SLIT3: variants seen among roughly 807,000 people sequenced by gnomAD.
SLIT3 encodes slit homolog 3 protein.
SLIT3 carries 68 observed loss-of-function variants against 184.0 expected under a neutral mutation model. The ratio of observed to expected loss-of-function variants is 0.37; its 90% CI spans 0.30 to 0.45. The LOEUF (loss-of-function observed/expected upper bound fraction) is 0.45. Ranked by LOEUF, SLIT3 falls within the 20% of genes least tolerant of loss-of-function variation. The pLI is 1.00. For missense variants in SLIT3, 1,707 were observed against 2,026.0 expected (o/e 0.84, Z 3.02); for synonymous variants, 831 against 828.6 (o/e 1.00, Z -0.05).
In SLIT3 at chr5:168,671,489, G is replaced by C. The variant is rs1265222180; in HGVS notation, c.3842-6C>G. The C allele has an allele frequency of 6.2e-7, 1 of 1,608,288 alleles. No homozygotes were observed. The highest frequency in any genetic ancestry group is 1.7e-5 in the Admixed American group (1 of 59,262). ...GCCGGTGGAGGTGGGGATGCCTGTG[G>C]GAGGGGAGCCAGGACAGTGGCCTGA... On this transcript the variant is annotated splice_region_variant and splice_polypyrimidine_tract_variant and intron_variant, in intron 33 of 35. Transcript: ENST00000519560.
chr5:169,230,445 A>G (rs1581081435), intron 3 of SLIT3, among the ~76,000 whole-genome samples: 1 of 152,246 alleles, frequency 6.6e-6, no homozygotes, highest in African/African-American at 2.4e-5. Context: ...GCAGTAATTT[A>G]AAAGAATATA....
intron 3 of SLIT3, among the ~76,000 whole-genome samples, chr5:169,194,926 C>A (rs145264408): frequency 2.0e-5 from 3 of 152,172 alleles, no homozygotes; most frequent in East Asian, 3.9e-4. Context: ...TAGCCCCATG[C>A]CCCTCTGCCC....
chr5:168,760,975 A>AAGGAGGGGCCT, intron 15 of SLIT3, 39 bp from the exon 16 acceptor site: 1 of 1,487,364 alleles, frequency 6.7e-7, no homozygotes, highest in Non-Finnish European at 9.4e-7. Flanking sequence ...TTAGCTGTGG[A>AAGGAGGGGCCT]CGAGGCCCCT....
At chr5:168,722,354 TTG>T (rs763480008) in intron 22 of SLIT3, 27 bp from the exon 23 acceptor site, 62 of 1,608,614 alleles carry the variant, frequency 3.9e-5, no homozygotes, top group Non-Finnish European at 4.9e-5. Context: ...ATGTGCCCTG[TTG>T]TGTCTTTCTA....
intron 16 of SLIT3, among the ~76,000 whole-genome samples, chr5:168,758,074 C>G (rs1308053061): frequency 6.6e-6 from 1 of 152,190 alleles, no homozygotes; most frequent in Non-Finnish European, 1.5e-5. Flanking sequence ...GCAGCCCTCA[C>G]TTTTATTCCA....
At chr5:168,683,768 G>A (rs1761661936) in intron 32 of SLIT3, among the ~76,000 whole-genome samples, 198 bp downstream of exon 32, 1 of 152,140 alleles carries the variant, frequency 6.6e-6, no homozygotes, top group Non-Finnish European at 1.5e-5. Context: ...GCCTTCCTCT[G>A]CCTCTTCCTC....
At chr5:168,891,472 G>A (rs1045035240) in intron 4 of SLIT3, among the ~76,000 whole-genome samples, 4 of 152,148 alleles carry the variant, frequency 2.6e-5, no homozygotes, top group Non-Finnish European at 5.9e-5. Flanking sequence ...ACTGGTTGCT[G>A]GGATTAGGAC....
intron 32 of SLIT3, among the ~76,000 whole-genome samples, chr5:168,675,954 T>C (rs1322850731): frequency 6.6e-6 from 1 of 151,988 alleles, no homozygotes; most frequent in Non-Finnish European, 1.5e-5. Flanking sequence ...TATACTTCCT[T>C]TCCATCTATT....
intron 4 of SLIT3, among the ~76,000 whole-genome samples, chr5:168,941,094 T>C (rs1430706701): frequency 6.6e-6 from 1 of 152,208 alleles, no homozygotes; most frequent in Non-Finnish European, 1.5e-5. Flanking sequence ...AGCTTATTTG[T>C]TTCTCCTTAT....
chr5:169,028,707 A>T (rs1756923030), intron 4 of SLIT3, among the ~76,000 whole-genome samples: 1 of 152,250 alleles, frequency 6.6e-6, no homozygotes, highest in Non-Finnish European at 1.5e-5. Context: ...AAAGGAGAAG[A>T]ACCACTAAGC....
intron 20 of SLIT3, among the ~76,000 whole-genome samples, chr5:168,744,422 C>T (rs556310632): frequency 6.6e-5 from 10 of 152,212 alleles, no homozygotes; most frequent in Non-Finnish European, 1.2e-4. Flanking sequence ...AAGGTGGCCA[C>T]ATTAAACAAC....
chr5:168,664,907 C>G lies in SLIT3; in HGVS notation c.*1547G>C, dbSNP rs528785395. The G allele has an allele frequency of 2.0e-5, 3 of 152,336 alleles. No homozygotes were observed. The highest frequency in any genetic ancestry group is 2.1e-4 in the South Asian group (1 of 4,826). The allele number at this position is 152,336 out of a possible 1,614,324, so 9.4% of individuals were successfully genotyped here. A position where few individuals can be genotyped will look rare whatever the true frequency, so the allele number is the denominator to read the frequency against. On this transcript the variant is annotated 3_prime_UTR_variant, in exon 36 of 36. Transcript: ENST00000519560. ...GATAGGCTGCCCTTGGTCACTTTCC[C>G]TAGATGCATAAGCCCTGGTCTCCAG...
At chr5:168,675,517 C>T (rs1761378646) in intron 32 of SLIT3, among the ~76,000 whole-genome samples, 1 of 152,122 alleles carries the variant, frequency 6.6e-6, no homozygotes, top group African/African-American at 2.4e-5. Flanking sequence ...GGGATAATAA[C>T]CTCACAGAAC....
chr5:168,989,144 C>A (rs1028827120), intron 4 of SLIT3, among the ~76,000 whole-genome samples: 7 of 152,084 alleles, frequency 4.6e-5, no homozygotes, highest in African/African-American at 1.7e-4. Context: ...GCCTCTTTTG[C>A]AAAGACATGA....
At chr5:168,820,853 A>G (rs578161979) in intron 7 of SLIT3, among the ~76,000 whole-genome samples, 2 of 152,328 alleles carry the variant, frequency 1.3e-5, no homozygotes, top group South Asian at 4.1e-4. Context: ...TTTCTATAAA[A>G]TGTGGCTTTC....
intron 34 of SLIT3, among the ~76,000 whole-genome samples, chr5:168,670,572 AACAC>A (rs1047948305): frequency 3.3e-5 from 5 of 152,170 alleles, no homozygotes; most frequent in Admixed American, 2.6e-4. Flanking sequence ...TATAGAGTCA[AACAC>A]ACACACACAT....
In SLIT3 at chr5:169,300,364, G is replaced by T; in HGVS notation, c.197+149C>A. On this transcript the variant is annotated intron_variant, in intron 1 of 35. Coordinates refer to ENST00000519560, the MANE Select transcript of SLIT3 (RefSeq NM_003062.4). The surrounding 1 kb of genome is among the most constrained non-coding windows in gnomAD (Gnocchi z 4.1). ...ATCTGACCAAGCCTACAGACCCCCA[G>T]CTCGGAGAGTGAGGGATCGTATCCA... 9.2e-7 allele frequency: 1 copy of T among 1,088,864 alleles called. No individual in the cohort carries two copies. Among genetic ancestry groups the T allele is most frequent in the Non-Finnish European group, 1.2e-6 (1 of 827,602 alleles). 67.5% of individuals were successfully genotyped at this position (1,088,864 alleles called of 1,614,324 possible).
At chr5:169,194,877 T>C (rs1763689569) in intron 3 of SLIT3, among the ~76,000 whole-genome samples, 1 of 152,192 alleles carries the variant, frequency 6.6e-6, no homozygotes, top group African/African-American at 2.4e-5. Flanking sequence ...GGCTGCTTTC[T>C]TCGGAGCACT....
chr5:168,915,302 A>G (rs1761396539), intron 4 of SLIT3, among the ~76,000 whole-genome samples: 1 of 152,208 alleles, frequency 6.6e-6, no homozygotes, highest in Non-Finnish European at 1.5e-5. Flanking sequence ...AAAACCTTGA[A>G]GTTAAAGTTT....
Sources: gnomAD v4.1 joint callset for allele counts (sites outside exome capture counted in the v4.1 genomes callset) on GRCh38, gnomAD v4.1.1 for gene constraint, Gnocchi (gnomAD v3.1) non-coding constraint, MANE v1.5 for transcripts, NCBI Gene and HGNC (gene_info 2026-07-23, HGNC 2026-07-21) for gene names.